Variants in MACF1 observed in about 807,000 individuals in gnomAD.
MACF1 encodes microtubule-actin cross-linking factor 1.
A neutral mutation model predicts 854.8 loss-of-function variants in MACF1; 193 were observed. The ratio of observed to expected loss-of-function variants is 0.23; its 90% CI spans 0.20 to 0.25. The LOEUF is 0.25. Ranked by LOEUF, MACF1 falls within the 10% of genes least tolerant of loss-of-function variation. The pLI is 1.00. For missense variants in MACF1, 7,722 were observed against 8,929.1 expected, an observed-to-expected ratio of 0.86 and a Z score of 5.45; for synonymous variants, 3,185 against 3,226.7, an observed-to-expected ratio of 0.99 and a Z score of 0.44.
At chr1:39,410,202 C>G in intron 58 of MACF1, 1 of 1,199,248 alleles carries the variant, frequency 8.3e-7, no homozygotes, top group Non-Finnish European at 1.2e-6. Context: ...ATGTAGAATG[C>G]ATTTGGGGGG....
chr1:39,471,950 A>G (rs1472915707), intron 97 of MACF1, among the ~76,000 whole-genome samples: 11 of 152,160 alleles, frequency 7.2e-5, no homozygotes, highest in Non-Finnish European at 2.9e-5. Context: ...CATCTTGTAA[A>G]ACTGAAACTC....
intron 80 of MACF1, among the ~76,000 whole-genome samples, chr1:39,445,619 G>A (rs1482820943): frequency 1.3e-5 from 2 of 152,230 alleles, no homozygotes; most frequent in Admixed American, 1.3e-4. Flanking sequence ...ATGGGATTGG[G>A]TAATTTGATT....
chr1:39,310,331 C>G lies in MACF1; in HGVS notation c.3003C>G (p.Asp1001Glu), dbSNP rs753535912. 1.9e-6 allele frequency: 3 copies of G among 1,614,130 alleles called. No individual in the cohort carries two copies. The highest frequency in any genetic ancestry group is 1.7e-6 in the Non-Finnish European group (2 of 1,180,014). The change falls in exon 25 of 101, where the codon GAC becomes GAG. Residue 1001 changes from aspartate (D) to glutamate (E), a missense_variant. Coordinates refer to ENST00000564288, the MANE Select transcript of MACF1 (RefSeq NM_001394062.1). Reference sequence around the variant, plus strand: ...AAGACTTTCTGCAGGATAGTCGTGACTCTGTGCTGTTCTCAGTGGCTGATC... The same window carrying G: ...AAGACTTTCTGCAGGATAGTCGTGAGTCTGTGCTGTTCTCAGTGGCTGATC... ...HYEDFLQDSR[D>E]SVLFSVADRL...
chr1:39,218,182 C>CAA (rs36113375), intron 1 of MACF1, among the ~76,000 whole-genome samples: 3,141 of 83,248 alleles, frequency 0.038, 179 homozygotes, highest in African/African-American at 0.062. Context: ...GACTCCGTCT[C>CAA]AAAAAAAAAA....
chr1:39,227,392 A>C (rs1299339181), intron 1 of MACF1, among the ~76,000 whole-genome samples: 5 of 152,208 alleles, frequency 3.3e-5, no homozygotes, highest in Admixed American at 3.3e-4. Context: ...GTTGTGGGAA[A>C]TACAAAAAAG....
rs1230357539 is a variant in MACF1, at chr1:39,311,075, G to A, written c.3270+75G>A. 2.5e-5 allele frequency: 38 copies of A among 1,500,270 alleles called. No homozygotes were observed. In the East Asian group the frequency reaches 8.4e-4, roughly 33 times the overall value. 92.9% of individuals were successfully genotyped at this position (1,500,270 alleles called of 1,614,324 possible). A position where few individuals can be genotyped will look rare whatever the true frequency, so the allele number is the denominator to read the frequency against. On this transcript the variant is annotated intron_variant, in intron 26 of 100. Transcript: ENST00000564288. ...GAGTTCATTGGATGGCAAGAGTATG[G>A]CACCTAAGAAATGAGGCAATAGACT...
Position 39,458,310 on chromosome 1 carries a change from GC to G in MACF1, c.21076-55del, listed in dbSNP as rs1052880227. Reference sequence around the variant, plus strand: ...AAGTACCCATCCTAGCTCTTCCTTTGCCCCCATAAGAGTAAAAATACAATAT... The same window carrying G: ...AAGTACCCATCCTAGCTCTTCCTTTGCCCCATAAGAGTAAAAATACAATAT... On this transcript the variant is annotated intron_variant, in intron 89 of 100. Coordinates refer to ENST00000564288, the MANE Select transcript of MACF1 (RefSeq NM_001394062.1). 35 of 1,552,728 alleles carry G rather than the reference GC, an allele frequency of 2.3e-5. No individual in the cohort carries two copies. In the Admixed American group the frequency reaches 5.8e-4, roughly 26 times the overall value.
In MACF1 at chr1:39,084,492, C is replaced by T. The variant is rs1641615696; in HGVS notation, c.220+54C>T. ...GCTGTGGGTGTGAGGGAGGAATGGGCCAGGGCACAGCAGCTGTGTGGGGAG... is the reference window on the plus strand; with the variant it reads ...GCTGTGGGTGTGAGGGAGGAATGGGTCAGGGCACAGCAGCTGTGTGGGGAG... On this transcript the variant is annotated intron_variant, in intron 2 of 93. Coordinates refer to the MACF1 transcript ENST00000361689. The surrounding 1 kb of genome is among the most constrained non-coding windows in gnomAD (Gnocchi z 5.2). 4.7e-6 allele frequency: 7 copies of T among 1,497,876 alleles called. No homozygotes were observed. Among genetic ancestry groups the T allele is most frequent in the Non-Finnish European group, 6.4e-6 (7 of 1,101,954 alleles). 92.8% of individuals were successfully genotyped at this position (1,497,876 alleles called of 1,614,324 possible).
At chr1:39,449,904 G>T (rs1644303669) in intron 84 of MACF1, among the ~76,000 whole-genome samples, 1 of 151,898 alleles carries the variant, frequency 6.6e-6, no homozygotes, top group Non-Finnish European at 1.5e-5. Flanking sequence ...CTGTCATCCA[G>T]GCTGGAGTGC....
chr1:39,471,728 T>C (rs1333068428), intron 97 of MACF1, among the ~76,000 whole-genome samples: 3 of 152,190 alleles, frequency 2.0e-5, no homozygotes, highest in South Asian at 2.1e-4. Flanking sequence ...TGTGTATGTT[T>C]TTGATCATTA....
chr1:39,232,429 T>G (rs1264864177), intron 2 of MACF1, among the ~76,000 whole-genome samples: 1 of 152,192 alleles, frequency 6.6e-6, no homozygotes, highest in Admixed American at 6.5e-5. Flanking sequence ...TCTAGAACAT[T>G]GCTTTTTCCT....
chr1:39,294,921 C>T lies in MACF1; in HGVS notation c.2155-125C>T, dbSNP rs954512417. The T allele has an allele frequency of 3.5e-5, 23 of 658,280 alleles. No individual in the cohort carries two copies. The East Asian group carries it at 5.9e-4, about 17-fold the overall frequency. The allele number at this position is 658,280 out of a possible 1,614,324, so 40.8% of individuals were successfully genotyped here. A position where few individuals can be genotyped will look rare whatever the true frequency, so the allele number is the denominator to read the frequency against. On this transcript the variant is annotated intron_variant, in intron 18 of 100. Transcript: ENST00000564288. ...AATCCTCTGGCATGCACTGTTTATA[C>T]ATCTCATTTTGCCACCAATTCTATA...
chr1:39,351,897 A>C (rs966275865), intron 43 of MACF1, among the ~76,000 whole-genome samples: 1 of 152,076 alleles, frequency 6.6e-6, no homozygotes, highest in Non-Finnish European at 1.5e-5. Flanking sequence ...CAAATGACAT[A>C]TTTTAATATG....
chr1:39,316,509 G>A lies in MACF1; in HGVS notation c.3568G>A (p.Ala1190Thr), dbSNP rs749857238. Reference sequence around the variant, plus strand: ...ACTGGCAGATCTCTCAGCTCTGGAGGCCCATTGGTCGACATTACGGGTGAG... The same window carrying A: ...ACTGGCAGATCTCTCAGCTCTGGAGACCCATTGGTCGACATTACGGGTGAG... ...VVLADLSALEAHWSTLRHWLS... is the reference protein window; with the variant it reads ...VVLADLSALETHWSTLRHWLS... Residue 1190 changes from alanine to threonine, a missense_variant, in exon 28 of 101, where the codon GCC becomes ACC. Around this residue, in one of 15 missense-constraint regions of MACF1, gnomAD observed 1,137 missense variants for 1,263.0 expected, o/e 0.90. Coordinates refer to ENST00000564288, the MANE Select transcript of MACF1 (RefSeq NM_001394062.1). 22 of 1,613,312 alleles carry A rather than the reference G, an allele frequency of 1.4e-5. No individual in the cohort carries two copies. In the East Asian group the frequency reaches 3.3e-4, roughly 25 times the overall value.
At chr1:39,232,302 C>T (rs1055998873) in intron 2 of MACF1, among the ~76,000 whole-genome samples, 11 of 152,038 alleles carry the variant, frequency 7.2e-5, no homozygotes, top group Admixed American at 5.9e-4. Flanking sequence ...AGGGAAAGGT[C>T]ACCAGTGATC....
rs762163904 is a variant in MACF1, at chr1:39,333,533, C to A, written c.6945C>A (p.Gly2315=). The A allele has an allele frequency of 3.1e-6, 5 of 1,614,064 alleles. No homozygotes were observed. In the East Asian group the frequency reaches 1.1e-4, roughly 36 times the overall value. The change falls in exon 37 of 101, where the codon GGC becomes GGA. Residue 2315 remains glycine (G), a synonymous_variant. Transcript: ENST00000564288. ...TACTAAATGAAGCAATATCCCGAGGCATTGTGCCAAGTCACACTGCCGTGA... is the reference window on the plus strand; with the variant it reads ...TACTAAATGAAGCAATATCCCGAGGAATTGTGCCAAGTCACACTGCCGTGA... ...KLLLNEAISR[G]IVPSHTAVKL...
intron 58 of MACF1, chr1:39,410,070 G>A (rs1239605144): frequency 2.2e-6 from 1 of 464,228 alleles, no homozygotes; most frequent in East Asian, 3.1e-5. Flanking sequence ...AGCCTGTGAG[G>A]AAAAAGCTGT....
At chr1:39,413,216 C>T in intron 58 of MACF1, 2 of 1,613,394 alleles carry the variant, frequency 1.2e-6, no homozygotes, top group Non-Finnish European at 1.7e-6. Context: ...GTGCATGCTC[C>T]AGAGGAGCCT....
Position 39,484,658 on chromosome 1 carries a change from C to A in MACF1, c.22339C>A (p.Arg7447=), listed in dbSNP as rs772283186. The A allele has an allele frequency of 2.5e-6, 4 of 1,613,966 alleles. No individual in the cohort carries two copies. Among genetic ancestry groups the A allele is most frequent in the Middle Eastern group, 1.6e-4 (1 of 6,062 alleles). The change falls in exon 100 of 101, where the codon CGG becomes AGG. Residue 7447 remains arginine (R), a synonymous_variant. Transcript: ENST00000564288. ...ACCAACACCAACTTTTCATTCTAGT[C>A]GGACATCCCTTGCTGGTGATACCAG... ...KRPTPTFHSS[R]TSLAGDTSNS...
Sources: gnomAD v4.1 joint callset for allele counts (sites outside exome capture counted in the v4.1 genomes callset) on GRCh38, gnomAD v4.1.1 for gene constraint, gnomAD v4.1.1 regional missense constraint, Gnocchi (gnomAD v3.1) non-coding constraint, MANE v1.5 for transcripts, NCBI Gene and HGNC (gene_info 2026-07-23, HGNC 2026-07-21) for gene names.